Variants in IGF2BP2 observed in about 807,000 individuals in gnomAD.
The protein encoded by IGF2BP2 is insulin-like growth factor 2 mRNA-binding protein 2.
A neutral mutation model predicts 75.8 loss-of-function variants in IGF2BP2; 17 were observed. The ratio of observed to expected loss-of-function variants is 0.22; its 90% CI spans 0.15 to 0.34. IGF2BP2 has a LOEUF of 0.34. Among genes scored for constraint, IGF2BP2 ranks in the 10% least tolerant of loss-of-function variants. The pLI, the probability that IGF2BP2 is intolerant of heterozygous loss-of-function variation, is 1.00. For missense variants in IGF2BP2, 516 were observed against 772.4 expected, an observed-to-expected ratio of 0.67 and a Z score of 3.93; for synonymous variants, 288 against 295.6, an observed-to-expected ratio of 0.97 and a Z score of 0.26.
intron 4 of IGF2BP2, 166 bp from the exon 5 acceptor site, chr3:185,692,928 A>T (rs1722143056): frequency 3.2e-6 from 2 of 615,828 alleles, no homozygotes; most frequent in Non-Finnish European, 5.8e-6. Flanking sequence ...AGTAATTTGT[A>T]ATCAATTGTA....
chr3:185,806,354 A>C (rs1384281095), intron 2 of IGF2BP2, among the ~76,000 whole-genome samples: 1 of 152,180 alleles, frequency 6.6e-6, no homozygotes, highest in African/African-American at 2.4e-5. Flanking sequence ...AATTATATTT[A>C]CCCGTAGTGT....
chr3:185,676,909 T>C (rs1019938916), intron 7 of IGF2BP2, among the ~76,000 whole-genome samples: 5 of 143,216 alleles, frequency 3.5e-5, no homozygotes, highest in Admixed American at 7.2e-5. Flanking sequence ...TGGAGATATA[T>C]ATATGAGATA....
intron 2 of IGF2BP2, 39 bp from the exon 3 acceptor site, chr3:185,698,386 G>A (rs751314831): frequency 7.0e-6 from 11 of 1,575,768 alleles, no homozygotes; most frequent in South Asian, 1.1e-5. Context: ...ACTTTCTCCA[G>A]GACACAAACT....
intron 2 of IGF2BP2, among the ~76,000 whole-genome samples, chr3:185,787,143 G>GC (rs1231343113): frequency 1.3e-5 from 2 of 152,136 alleles, no homozygotes; most frequent in Non-Finnish European, 2.9e-5. Flanking sequence ...GGGGGCAATG[G>GC]CGAGTTACTG....
chr3:185,665,589 G>A (rs952606649), intron 10 of IGF2BP2, among the ~76,000 whole-genome samples: 1 of 148,256 alleles, frequency 6.7e-6, no homozygotes, highest in Non-Finnish European at 1.5e-5. Context: ...AGAAAAGGAA[G>A]AAGAAGAAAA....
chr3:185,800,374 C>A (rs540547285), intron 2 of IGF2BP2, among the ~76,000 whole-genome samples: 1 of 152,124 alleles, frequency 6.6e-6, no homozygotes, highest in Middle Eastern at 3.4e-3. Flanking sequence ...CACATGTATA[C>A]CCATGTAACA....
intron 2 of IGF2BP2, among the ~76,000 whole-genome samples, chr3:185,703,842 T>C (rs940029912): frequency 6.6e-5 from 10 of 152,220 alleles, no homozygotes; most frequent in Middle Eastern, 3.4e-3. Flanking sequence ...GATAATGCCA[T>C]AGTTTTCAGG....
intron 2 of IGF2BP2, among the ~76,000 whole-genome samples, chr3:185,702,525 G>A (rs1374989424): frequency 6.6e-6 from 1 of 152,128 alleles, no homozygotes; most frequent in Non-Finnish European, 1.5e-5. Context: ...GTTCCAATAT[G>A]TTAAAGATGA....
chr3:185,671,274 G>A (rs907237462), intron 10 of IGF2BP2, among the ~76,000 whole-genome samples: 18 of 152,168 alleles, frequency 1.2e-4, no homozygotes, highest in Non-Finnish European at 2.9e-5. Context: ...GGGGCTGGGC[G>A]TAGTGGCTCC....
intron 2 of IGF2BP2, among the ~76,000 whole-genome samples, chr3:185,811,948 C>T (rs1739948265): frequency 6.6e-6 from 1 of 151,758 alleles, no homozygotes; most frequent in South Asian, 2.1e-4. Context: ...ATTCCAAGGA[C>T]TTTCAGGACT....
chr3:185,716,671 T>G (rs368846658), intron 2 of IGF2BP2: 3 of 520,028 alleles, frequency 5.8e-6, no homozygotes, highest in Non-Finnish European at 1.2e-5. Context: ...CCTGATCTGG[T>G]TAAGGAGAGT....
intron 1 of IGF2BP2, 128 bp from the exon 2 acceptor site, chr3:185,823,341 G>T: frequency 1.8e-6 from 1 of 571,190 alleles, no homozygotes; most frequent in Non-Finnish European, 3.0e-6. Context: ...CTCCTACCCG[G>T]ATCGAGCTGG....
chr3:185,761,805 C>T (rs999042968), intron 2 of IGF2BP2, among the ~76,000 whole-genome samples: 1 of 152,214 alleles, frequency 6.6e-6, no homozygotes, highest in African/African-American at 2.4e-5. Flanking sequence ...TTAAACACCA[C>T]TGCATAACAA....
At chr3:185,654,762 T>G (rs1159845703) in intron 12 of IGF2BP2, among the ~76,000 whole-genome samples, 2 of 151,952 alleles carry the variant, frequency 1.3e-5, no homozygotes, top group Non-Finnish European at 2.9e-5. Flanking sequence ...AGGGCTGGAG[T>G]CAGGATCTGG....
chr3:185,752,326 T>G (rs939531377), intron 2 of IGF2BP2, among the ~76,000 whole-genome samples: 2 of 152,238 alleles, frequency 1.3e-5, no homozygotes, highest in Non-Finnish European at 2.9e-5. Flanking sequence ...GAGGAATTAT[T>G]ACCTAATAAA....
intron 2 of IGF2BP2, chr3:185,728,354 A>G (rs1727654004): frequency 6.6e-6 from 1 of 152,218 alleles, no homozygotes; most frequent in South Asian, 2.1e-4. Flanking sequence ...AACCAGATTC[A>G]CCAATCCCTG....
At chr3:185,671,501 C>T (rs1429590506) in intron 10 of IGF2BP2, among the ~76,000 whole-genome samples, 3 of 143,328 alleles carry the variant, frequency 2.1e-5, no homozygotes, top group Non-Finnish European at 4.5e-5. Flanking sequence ...CGCGCCACTG[C>T]ACTCCAGCCT....
intron 2 of IGF2BP2, chr3:185,728,114 T>A (rs1428666264): frequency 1.3e-5 from 2 of 152,332 alleles, no homozygotes; most frequent in East Asian, 3.9e-4. Context: ...TCACACAAAA[T>A]AAAGAATTGA....
intron 2 of IGF2BP2, among the ~76,000 whole-genome samples, chr3:185,741,299 C>T (rs1264583491): frequency 1.3e-5 from 2 of 152,120 alleles, no homozygotes; most frequent in African/African-American, 4.8e-5. Flanking sequence ...GCCAGCCTAC[C>T]GATAATTTTA....
Sources: gnomAD v4.1 joint callset for allele counts (sites outside exome capture counted in the v4.1 genomes callset) on GRCh38, gnomAD v4.1.1 for gene constraint, MANE v1.5 for transcripts, NCBI Gene and HGNC (gene_info 2026-07-23, HGNC 2026-07-21) for gene names.